Variants in ESR1 observed in about 807,000 individuals in gnomAD.
ESR1 encodes estrogen receptor.
In ESR1, 12 loss-of-function variants were observed where a neutral mutation model predicts 52.7. That is an observed-to-expected ratio of 0.23 (90% confidence interval 0.15 to 0.37). The LOEUF (loss-of-function observed/expected upper bound fraction) is 0.37. Ranked by LOEUF, ESR1 falls within the 10% of genes least tolerant of loss-of-function variation. The probability of loss-of-function intolerance (pLI) is 1.00; values close to 1 mark genes in which losing one functional copy is unlikely to be tolerated. For missense variants in ESR1, 584 were observed against 779.7 expected, an observed-to-expected ratio of 0.75 and a Z score of 2.99; for synonymous variants, 305 against 316.8, an observed-to-expected ratio of 0.96 and a Z score of 0.39.
intron 6 of ESR1, chr6:152,122,440 A>C (rs575845950): frequency 6.2e-7 from 1 of 1,614,010 alleles, no homozygotes; most frequent in Admixed American, 1.7e-5. Flanking sequence ...CTTAGTTCAG[A>C]GTGGAGGAGG....
chr6:151,816,876 T>G (rs1483918008), intron 1 of ESR1, among the ~76,000 whole-genome samples: 1 of 152,056 alleles, frequency 6.6e-6, no homozygotes, highest in African/African-American at 2.4e-5. Context: ...ACCCTGTCTC[T>G]ACAAAAAAAC....
chr6:151,957,789 A>G (rs945213899), intron 4 of ESR1, among the ~76,000 whole-genome samples: 2 of 152,248 alleles, frequency 1.3e-5, no homozygotes, highest in Admixed American at 1.3e-4. Context: ...CACATATTAC[A>G]GAAAACCCCA....
At chr6:152,117,089 T>C (rs910279203) in intron 6 of ESR1, among the ~76,000 whole-genome samples, 1 of 152,214 alleles carries the variant, frequency 6.6e-6, no homozygotes. Context: ...GTAATATTGA[T>C]TCTTTGAGCC....
intron 4 of ESR1, among the ~76,000 whole-genome samples, chr6:151,986,884 A>G (rs2040533644): frequency 6.6e-6 from 1 of 151,898 alleles, no homozygotes; most frequent in Non-Finnish European, 1.5e-5. Context: ...TTGTATGCTC[A>G]CGGAGTATGT....
At chr6:151,985,713 G>C (rs1485844207) in intron 4 of ESR1, among the ~76,000 whole-genome samples, 3 of 151,934 alleles carry the variant, frequency 2.0e-5, no homozygotes, top group African/African-American at 7.3e-5. Flanking sequence ...TGTCCCCCAG[G>C]CTGGAGTGCA....
chr6:151,732,027 G>C (rs540543529), intron 2 of ESR1, among the ~76,000 whole-genome samples: 14 of 152,250 alleles, frequency 9.2e-5, no homozygotes, highest in African/African-American at 3.4e-4. Flanking sequence ...CTGCACCTTA[G>C]ATCACCCTTA....
At chr6:151,928,056 T>A (rs2033032622) in intron 3 of ESR1, among the ~76,000 whole-genome samples, 1 of 152,140 alleles carries the variant, frequency 6.6e-6, no homozygotes, top group South Asian at 2.1e-4. Context: ...TAGAAGTTTA[T>A]CAATTTTATT....
intron 4 of ESR1, among the ~76,000 whole-genome samples, chr6:151,980,179 A>G (rs187373909): frequency 1.6e-4 from 25 of 152,266 alleles, no homozygotes; most frequent in Admixed American, 1.6e-3. Context: ...TTGCTTGCTA[A>G]TTTTACCAGA....
At chr6:151,899,385 G>A (rs1796208760) in intron 3 of ESR1, among the ~76,000 whole-genome samples, 1 of 133,512 alleles carries the variant, frequency 7.5e-6, no homozygotes, top group African/African-American at 3.1e-5. Flanking sequence ...CGGGGCGGCT[G>A]GCCGGGCAGA....
intron 2 of ESR1, among the ~76,000 whole-genome samples, chr6:151,743,905 A>T (rs1783288852): frequency 6.6e-6 from 1 of 151,788 alleles, no homozygotes; most frequent in African/African-American, 2.4e-5. Flanking sequence ...CCCTACCTTT[A>T]GTCACTTCCC....
At chr6:151,772,389 A>G (rs2128109397) in intron 2 of ESR1, among the ~76,000 whole-genome samples, 1 of 152,330 alleles carries the variant, frequency 6.6e-6, no homozygotes, top group South Asian at 2.1e-4. Flanking sequence ...TTCAGTAATA[A>G]CTTTTGCATC....
intron 1 of ESR1, among the ~76,000 whole-genome samples, chr6:151,678,790 G>A (rs1243970751): frequency 6.6e-6 from 1 of 151,488 alleles, no homozygotes; most frequent in Admixed American, 6.6e-5. Flanking sequence ...GGGTTCAAGC[G>A]ATTCCCCTGC....
At chr6:151,940,920 A>G (rs2034978688) in intron 3 of ESR1, among the ~76,000 whole-genome samples, 3 of 152,346 alleles carry the variant, frequency 2.0e-5, no homozygotes, top group Admixed American at 2.0e-4. Flanking sequence ...ATTACTGCCA[A>G]TATCAGTTTC....
intron 1 of ESR1, among the ~76,000 whole-genome samples, chr6:151,672,870 C>T (rs1778119761): frequency 6.7e-6 from 1 of 150,246 alleles, no homozygotes; most frequent in South Asian, 2.1e-4. Context: ...ACTCTGTCAC[C>T]CAGGCTGGAG....
chr6:151,983,342 T>C (rs1045081711), intron 4 of ESR1: 4 of 152,160 alleles, frequency 2.6e-5, no homozygotes, highest in Non-Finnish European at 5.9e-5. Flanking sequence ...TTAATAGTAA[T>C]TTATTGAACA....
chr6:151,894,752 A>G (rs1157486212), intron 3 of ESR1, among the ~76,000 whole-genome samples: 1 of 152,072 alleles, frequency 6.6e-6, no homozygotes, highest in Non-Finnish European at 1.5e-5. Flanking sequence ...CTACATGCCT[A>G]TTTTTATACC....
chr6:152,046,742 T>C (rs1562719699), intron 5 of ESR1, among the ~76,000 whole-genome samples: 2 of 152,228 alleles, frequency 1.3e-5, no homozygotes, highest in Admixed American at 6.5e-5. Flanking sequence ...CCATCTTCCA[T>C]TGACTCTGCT....
chr6:152,082,624 A>G (rs12055500), intron 6 of ESR1, among the ~76,000 whole-genome samples: 32,066 of 152,068 alleles, frequency 0.21, 4,774 homozygotes, highest in African/African-American at 0.41. Flanking sequence ...GCAATCAGGC[A>G]AGAGAAAGAA....
intron 3 of ESR1, among the ~76,000 whole-genome samples, chr6:151,916,067 G>A (rs1003097444): frequency 5.3e-5 from 8 of 152,176 alleles, no homozygotes; most frequent in African/African-American, 1.9e-4. Flanking sequence ...TGGACACGCT[G>A]CCTGCATCGA....
Sources: allele counts gnomAD v4.1 joint callset (sites outside exome capture counted in the v4.1 genomes callset), GRCh38; gene constraint gnomAD v4.1.1; transcripts MANE v1.5; gene names NCBI Gene and HGNC (gene_info 2026-07-23, HGNC 2026-07-21).